RHBDL2: variants seen among roughly 807,000 people sequenced by gnomAD.
RHBDL2 encodes the protein rhomboid like 2, also known as rhomboid-related protein 2.
RHBDL2 carries 26 observed loss-of-function variants against 31.7 expected under a neutral mutation model. The ratio of observed to expected loss-of-function variants is 0.82; its 90% CI spans 0.60 to 1.14. The LOEUF (loss-of-function observed/expected upper bound fraction) is 1.14. Ranked by LOEUF, RHBDL2 falls within the 50% of genes most tolerant of loss-of-function variation. The pLI is 0.00. For missense variants in RHBDL2, 336 were observed against 364.4 expected, an observed-to-expected ratio of 0.92 and a Z score of 0.63; for synonymous variants, 123 against 127.2, an observed-to-expected ratio of 0.97 and a Z score of 0.22.
At position 38,886,658 on chromosome 1, in the gene RHBDL2, C is replaced by A; in HGVS notation, c.758G>T (p.Gly253Val). ...SPVSFAAHIA[G>V]GFAGMSIGYT... ...GCCAATGGACATTCCAGCAAATCCA[C>A]CTGCAATGTGAGCTGCAAAAGACAC... The change falls in exon 8 of 8, where the codon GGT becomes GTT. Residue 253 changes from glycine to valine, a missense_variant. Transcript: ENST00000372990. 1 of 1,562,818 alleles carries A rather than the reference C, an allele frequency of 6.4e-7. No homozygotes were observed. The highest frequency in any genetic ancestry group is 8.7e-7 in the Non-Finnish European group (1 of 1,149,308).
At chr1:38,911,206 A>T (rs1406148788) in intron 4 of RHBDL2, 116 bp downstream of exon 4, 4 of 653,350 alleles carry the variant, frequency 6.1e-6, no homozygotes, top group Non-Finnish European at 1.1e-5. Flanking sequence ...TCCCGAGCAC[A>T]TATTAGGAGT....
At chr1:38,897,206 T>C (rs1319198484) in intron 4 of RHBDL2, among the ~76,000 whole-genome samples, 1 of 152,028 alleles carries the variant, frequency 6.6e-6, no homozygotes, top group Non-Finnish European at 1.5e-5. Flanking sequence ...GTTCATGCTA[T>C]TCTCCTGCCT....
chr1:38,895,290 G>A (rs1215807648), intron 5 of RHBDL2, among the ~76,000 whole-genome samples: 3 of 152,010 alleles, frequency 2.0e-5, no homozygotes, highest in African/African-American at 7.3e-5. Context: ...CTATGAAGTA[G>A]CCGTTCTTTT....
chr1:38,941,520 C>A (rs896479055), intron 1 of RHBDL2, among the ~76,000 whole-genome samples, 162 bp downstream of exon 1: 2 of 152,120 alleles, frequency 1.3e-5, no homozygotes, highest in African/African-American at 4.8e-5. Flanking sequence ...GGATCCAAAG[C>A]GGCCACACCA....
intron 6 of RHBDL2, among the ~76,000 whole-genome samples, chr1:38,888,861 T>C (rs1642818827): frequency 6.6e-6 from 1 of 152,206 alleles, no homozygotes; most frequent in Non-Finnish European, 1.5e-5. Flanking sequence ...CCTACTTCCA[T>C]GGCTGTGTTT....
chr1:38,940,101 T>C (rs1277626671), intron 1 of RHBDL2, among the ~76,000 whole-genome samples: 1 of 152,152 alleles, frequency 6.6e-6, no homozygotes, highest in East Asian at 1.9e-4. Flanking sequence ...CTTAGGCAAA[T>C]CCCTTAACCT....
At chr1:38,894,239 G>GA (rs1374243201) in intron 5 of RHBDL2, among the ~76,000 whole-genome samples, 1 of 151,910 alleles carries the variant, frequency 6.6e-6, no homozygotes, top group East Asian at 1.9e-4. Context: ...ATCCAAAGTT[G>GA]AAAAAACCAC....
chr1:38,898,942 G>A (rs1205515898), intron 4 of RHBDL2, among the ~76,000 whole-genome samples: 1 of 152,146 alleles, frequency 6.6e-6, no homozygotes, highest in Non-Finnish European at 1.5e-5. Context: ...TTTTATGACA[G>A]GTGAGTTACA....
At chr1:38,910,066 G>A (rs541813134) in intron 4 of RHBDL2, among the ~76,000 whole-genome samples, 10 of 152,256 alleles carry the variant, frequency 6.6e-5, no homozygotes, top group African/African-American at 2.4e-4. Context: ...ATGAATCCCC[G>A]GAGAATTATG....
intron 5 of RHBDL2, 73 bp downstream of exon 5, chr1:38,895,896 C>T (rs1241000651): frequency 2.2e-5 from 20 of 918,290 alleles, no homozygotes; most frequent in East Asian, 4.9e-5. Flanking sequence ...AATGAAGGTT[C>T]GTTGAAACAA....
chr1:38,926,554 G>C (rs747749814), intron 1 of RHBDL2: 2 of 152,218 alleles, frequency 1.3e-5, no homozygotes, highest in African/African-American at 4.8e-5. Flanking sequence ...AACCTGACTC[G>C]GGCAGGGCGC....
intron 1 of RHBDL2, among the ~76,000 whole-genome samples, chr1:38,931,792 A>G (rs1359896725): frequency 1.3e-5 from 2 of 152,158 alleles, no homozygotes; most frequent in Admixed American, 6.5e-5. Context: ...TTGTTCCAAC[A>G]TAGTATACTG....
intron 4 of RHBDL2, among the ~76,000 whole-genome samples, chr1:38,903,095 C>A (rs1643016163): frequency 1.3e-5 from 2 of 151,972 alleles, no homozygotes; most frequent in South Asian, 2.1e-4. Context: ...ACAAAATATA[C>A]CAAAAAGTAT....
chr1:38,908,395 C>T (rs1289094074), intron 4 of RHBDL2, among the ~76,000 whole-genome samples: 1 of 151,518 alleles, frequency 6.6e-6, no homozygotes, highest in Non-Finnish European at 1.5e-5. Context: ...ACCTGTAATC[C>T]CAGCTACTCG....
chr1:38,915,154 T>C (rs1454748182), intron 3 of RHBDL2, among the ~76,000 whole-genome samples: 7 of 150,736 alleles, frequency 4.6e-5, no homozygotes, highest in Non-Finnish European at 8.9e-5. Flanking sequence ...TTTTTTGAGA[T>C]GGAGTCTCAC....
chr1:38,929,396 T>C, intron 1 of RHBDL2: 1 of 1,289,286 alleles, frequency 7.8e-7, no homozygotes, highest in Non-Finnish European at 1.0e-6. Context: ...CAGGCTCACC[T>C]TCCCTTCTTC....
At chr1:38,938,000 G>C (rs113123090) in intron 1 of RHBDL2, among the ~76,000 whole-genome samples, 1 of 151,218 alleles carries the variant, frequency 6.6e-6, no homozygotes, top group East Asian at 1.9e-4. Context: ...ATGCAAATCA[G>C]GTAGTGTCAT....
intron 6 of RHBDL2, among the ~76,000 whole-genome samples, chr1:38,888,794 C>CTGTTTTTGTTTT (rs61709151): frequency 2.7e-4 from 41 of 151,332 alleles, no homozygotes; most frequent in East Asian, 2.3e-3. Context: ...ACTCAGCTTT[C>CTGTTTTTGTTTT]TGTTTTTGTT....
intron 2 of RHBDL2, 127 bp from the exon 3 acceptor site, chr1:38,915,837 G>T: frequency 1.2e-6 from 1 of 808,050 alleles, no homozygotes; most frequent in Non-Finnish European, 2.0e-6. Flanking sequence ...GTGCCAGAAG[G>T]TGACATGAAA....
Sources: gnomAD v4.1 joint callset for allele counts (sites outside exome capture counted in the v4.1 genomes callset) on GRCh38, gnomAD v4.1.1 for gene constraint, MANE v1.5 for transcripts, NCBI Gene and HGNC (gene_info 2026-07-23, HGNC 2026-07-21) for gene names.